Variants in GOLGA3 observed in about 807,000 individuals in gnomAD.
GOLGA3 encodes the protein golgin A3.
In GOLGA3, 75 loss-of-function variants were observed where a neutral mutation model predicts 169.4. That is an observed-to-expected ratio of 0.44 (90% confidence interval 0.37 to 0.54). The LOEUF (loss-of-function observed/expected upper bound fraction) is 0.54, where lower values mean the gene tolerates loss of function less well. Among genes scored for constraint, GOLGA3 ranks in the 20% least tolerant of loss-of-function variants. The pLI is 0.00. For missense variants in GOLGA3, 1,899 were observed against 1,930.0 expected (o/e 0.98, Z 0.30); for synonymous variants, 824 against 822.4 (o/e 1.00, Z -0.03).
intron 4 of GOLGA3, among the ~76,000 whole-genome samples, chr12:132,810,825 GCA>G (rs1398723930): frequency 3.9e-5 from 6 of 152,170 alleles, no homozygotes; most frequent in Admixed American, 1.3e-4. Flanking sequence ...TCAGGCCCGC[GCA>G]CAGTTATCCG....
intron 4 of GOLGA3, 107 bp downstream of exon 4, chr12:132,813,200 A>T: frequency 1.4e-6 from 1 of 731,584 alleles, no homozygotes; most frequent in Non-Finnish European, 2.4e-6. Flanking sequence ...CCCTGAGCCC[A>T]TGGCAGCTCA....
chr12:132,824,913 G>A (rs930171520), intron 1 of GOLGA3, among the ~76,000 whole-genome samples: 7 of 152,122 alleles, frequency 4.6e-5, no homozygotes, highest in Non-Finnish European at 7.4e-5. Context: ...AGCCGGCCAC[G>A]CCCACCTGGG....
chr12:132,773,273 C>A lies in GOLGA3; in HGVS notation c.4329G>T (p.Gln1443His). ...QQLKQEMDSL[Q>H]RQMEEHALTV... The stretch of plus-strand genomic sequence containing the variant: ...TCAGGGCGTGCTCCTCCATCTGGCG[C>A]TGCAGGCTGTCCATCTCCTGCCTGG... Residue 1443 changes from glutamine to histidine, a missense_variant, in exon 24 of 24, where the codon CAG becomes CAT. Transcript: ENST00000450791. The A allele has an allele frequency of 6.9e-7, 1 of 1,446,012 alleles. No individual in the cohort carries two copies. Among genetic ancestry groups the A allele is most frequent in the Non-Finnish European group, 9.2e-7 (1 of 1,087,870 alleles). 89.6% of individuals were successfully genotyped at this position (1,446,012 alleles called of 1,614,324 possible).
intron 3 of GOLGA3, among the ~76,000 whole-genome samples, chr12:132,814,698 G>A (rs992810591): frequency 1.3e-5 from 2 of 152,222 alleles, no homozygotes; most frequent in Non-Finnish European, 1.5e-5. Context: ...CACAGGCTCC[G>A]CCCTCCAGGG....
chr12:132,775,235 T>C lies in GOLGA3; in HGVS notation c.4049A>G (p.Gln1350Arg). 4 of 1,613,794 alleles carry C rather than the reference T, an allele frequency of 2.5e-6. No homozygotes were observed. The highest frequency in any genetic ancestry group is 3.4e-6 in the Non-Finnish European group (4 of 1,179,622). The change falls in exon 22 of 24, where the codon CAG becomes CGG. Residue 1350 changes from glutamine to arginine, a missense_variant. Physicochemically the swap from Gln to Arg is conservative, Grantham distance 43. Coordinates refer to ENST00000450791, the MANE Select transcript of GOLGA3 (RefSeq NM_001389683.1). ...GTTCTTCAGCTCCGACACTTTTGCCTGGAGCATAAATTTATCCTTCTGGGT... is the reference window on the plus strand; with the variant it reads ...GTTCTTCAGCTCCGACACTTTTGCCCGGAGCATAAATTTATCCTTCTGGGT... ...SMTQKDKFML[Q>R]AKVSELKNNM...
intron 1 of GOLGA3, among the ~76,000 whole-genome samples, chr12:132,826,955 C>T (rs995379418): frequency 4.0e-4 from 61 of 152,182 alleles, no homozygotes; most frequent in Non-Finnish European, 7.3e-4. Context: ...TGATCACTCG[C>T]ACTCCTGCGT....
chr12:132,785,644 G>A (rs1171950624), intron 15 of GOLGA3, among the ~76,000 whole-genome samples: 1 of 152,190 alleles, frequency 6.6e-6, no homozygotes, highest in East Asian at 1.9e-4. Flanking sequence ...CCCACGTTAT[G>A]ATACAGTCTC....
rs780330809 is a variant in GOLGA3, at chr12:132,776,997, C to T, written c.3816G>A (p.Leu1272=). 1.2e-6 allele frequency: 2 copies of T among 1,610,050 alleles called. No homozygotes were observed. The highest frequency in any genetic ancestry group is 1.7e-6 in the Non-Finnish European group (2 of 1,178,236). Residue 1272 remains leucine, a synonymous_variant, in exon 20 of 24, where the codon CTG becomes CTA. Transcript: ENST00000450791. Reference sequence around the variant, plus strand: ...CGGGCTGTTTGCTGAGCTGCTCGTCCAGCTGCTTCTGCAGGAGCTGGAGCT... The same window carrying T: ...CGGGCTGTTTGCTGAGCTGCTCGTCTAGCTGCTTCTGCAGGAGCTGGAGCT... ...RAQLQLLQKQ[L]DEQLSKQPVG... is the part of the protein sequence containing the mutation.
chr12:132,800,564 A>C (rs1593313529), intron 8 of GOLGA3, among the ~76,000 whole-genome samples: 2 of 152,234 alleles, frequency 1.3e-5, no homozygotes. Flanking sequence ...TAGATGTAAA[A>C]GGAACATTTG....
At chr12:132,781,537 G>A (rs2045608053) in intron 17 of GOLGA3, among the ~76,000 whole-genome samples, 1 of 152,102 alleles carries the variant, frequency 6.6e-6, no homozygotes, top group African/African-American at 2.4e-5. Flanking sequence ...GAGACAGAGT[G>A]AGACTCCGTA....
chr12:132,796,493 G>C (rs762871951), intron 10 of GOLGA3, 46 bp downstream of exon 10: 1 of 1,573,294 alleles, frequency 6.4e-7, no homozygotes, highest in Admixed American at 1.8e-5. Context: ...GGCTGCTCGG[G>C]ATCACCTGGG....
intron 3 of GOLGA3, among the ~76,000 whole-genome samples, chr12:132,813,880 A>G (rs924819755): frequency 3.3e-5 from 5 of 151,628 alleles, no homozygotes; most frequent in African/African-American, 1.2e-4. Flanking sequence ...GCCCGCCACC[A>G]CGCCTGGCTA....
chr12:132,825,862 C>T, intron 1 of GOLGA3: 1 of 981,052 alleles, frequency 1.0e-6, no homozygotes, highest in South Asian at 1.3e-5. Context: ...CTGAGGGCAC[C>T]TACATTGACA....
intron 13 of GOLGA3, among the ~76,000 whole-genome samples, chr12:132,788,428 T>C (rs1162013887): frequency 1.3e-5 from 2 of 152,182 alleles, no homozygotes; most frequent in Non-Finnish European, 2.9e-5. Flanking sequence ...CTGGACAGGA[T>C]CCTGGACTGC....
chr12:132,798,219 C>T (rs147574909), intron 9 of GOLGA3, 121 bp downstream of exon 9: 4 of 958,576 alleles, frequency 4.2e-6, no homozygotes, highest in Non-Finnish European at 3.0e-6. Flanking sequence ...AGTCACTGCC[C>T]GCCATCCATG....
chr12:132,781,371 AAC>A (rs1253569909), intron 17 of GOLGA3, among the ~76,000 whole-genome samples: 3 of 152,032 alleles, frequency 2.0e-5, no homozygotes, highest in African/African-American at 2.4e-5. Context: ...CATCCTGGCT[AAC>A]ACAGTGAAAC....
chr12:132,794,529 T>C (rs1358163757), intron 11 of GOLGA3, among the ~76,000 whole-genome samples: 2 of 152,272 alleles, frequency 1.3e-5, no homozygotes, highest in South Asian at 2.1e-4. Flanking sequence ...ACCACCTTCA[T>C]CTGCCCTGGG....
chr12:132,826,289 C>A lies in GOLGA3; in HGVS notation c.-184+2514G>T, dbSNP rs759058609. 5.2e-4 allele frequency: 466 copies of A among 902,056 alleles called. 3 individuals are homozygous for A. The highest frequency in any genetic ancestry group is 7.0e-4 in the Middle Eastern group (2 of 2,858). The allele number at this position is 902,056 out of a possible 1,614,324, so 55.9% of individuals were successfully genotyped here. A position where few individuals can be genotyped will look rare whatever the true frequency, so the allele number is the denominator to read the frequency against. On this transcript the variant is annotated intron_variant, in intron 1 of 23. Coordinates refer to ENST00000450791, the MANE Select transcript of GOLGA3 (RefSeq NM_001389683.1). ...TGGAAGAGCAGCATCACGGCCACGG[C>A]CCAGACAGGCACCACCACCTGAACA... is the stretch of plus-strand genomic sequence containing the variant.
chr12:132,811,011 CCTCT>C (rs950625184), intron 4 of GOLGA3, among the ~76,000 whole-genome samples: 7 of 152,098 alleles, frequency 4.6e-5, no homozygotes, highest in South Asian at 2.1e-4. Context: ...TCTCTCTCTC[CCTCT>C]CTCTCTACCT....
Sources: gnomAD v4.1 joint callset for allele counts (sites outside exome capture counted in the v4.1 genomes callset) on GRCh38, gnomAD v4.1.1 for gene constraint, MANE v1.5 for transcripts, NCBI Gene and HGNC (gene_info 2026-07-23, HGNC 2026-07-21) for gene names.